Variants in ACAT1 observed in about 807,000 individuals in gnomAD.
ACAT1 encodes acetyl-CoA acetyltransferase 1.
A neutral mutation model predicts 47.3 loss-of-function variants in ACAT1; 28 were observed. The observed-to-expected ratio is 0.59, with a 90% confidence interval of 0.44 to 0.81. The LOEUF is 0.81. ACAT1 is among the 30% of genes least tolerant of loss of function. The pLI, the probability that ACAT1 is intolerant of heterozygous loss-of-function variation, is 0.00. For synonymous variants in ACAT1, 181 were observed against 173.6 expected, an observed-to-expected ratio of 1.04 and a Z score of -0.34; for missense variants, 469 against 524.3, an observed-to-expected ratio of 0.89 and a Z score of 1.03.
Position 108,147,281 on chromosome 11 carries a change from C to T in ACAT1, c.1175C>T (p.Ala392Val). The T allele has an allele frequency of 6.2e-7, 1 of 1,613,758 alleles. No homozygotes were observed. The highest frequency in any genetic ancestry group is 8.5e-7 in the Non-Finnish European group (1 of 1,179,826). The change falls in exon 12 of 12, where the codon GCC becomes GTC. Residue 392 changes from alanine (A) to valine (V), a missense_variant. Ala to Val is a moderately conservative substitution (Grantham distance 64). Transcript: ENST00000265838. ...SLGHPIGMSG[A>V]RIVGHLTHAL... Reference sequence around the variant, plus strand: ...TTTCTTAATTTTAGGATGTCTGGAGCCAGGATTGTTGGTCATTTGACTCAT... The same window carrying T: ...TTTCTTAATTTTAGGATGTCTGGAGTCAGGATTGTTGGTCATTTGACTCAT...
At chr11:108,138,187 C>G (rs2077504726) in intron 5 of ACAT1, among the ~76,000 whole-genome samples, 1 of 151,276 alleles carries the variant, frequency 6.6e-6, no homozygotes, top group Admixed American at 6.6e-5. Context: ...TGGGGTTTCA[C>G]TGTTAGCCAG....
chr11:108,138,745 G>T (rs2077521432), intron 5 of ACAT1, 153 bp from the exon 6 acceptor site: 2 of 873,098 alleles, frequency 2.3e-6, no homozygotes, highest in South Asian at 2.8e-5. Context: ...TCATCAGGGT[G>T]AAGTGGTAAA....
intron 1 of ACAT1, chr11:108,128,111 T>A (rs2077286643): frequency 6.6e-6 from 1 of 152,272 alleles, no homozygotes; most frequent in African/African-American, 2.4e-5. Context: ...GTTAAAAGGT[T>A]AAGTGAGACA....
chr11:108,130,999 C>A (rs2077347109), intron 1 of ACAT1, among the ~76,000 whole-genome samples: 1 of 152,156 alleles, frequency 6.6e-6, no homozygotes, highest in African/African-American at 2.4e-5. Flanking sequence ...GTGATATGCC[C>A]ACCGCAGCCT....
chr11:108,128,365 C>T (rs770328130), intron 1 of ACAT1, among the ~76,000 whole-genome samples: 6 of 152,070 alleles, frequency 3.9e-5, no homozygotes, highest in Admixed American at 3.9e-4. Flanking sequence ...CCGAGGCAGG[C>T]GGATCACCTG....
rs948030856 is a variant in ACAT1 at position 108,141,398 on chromosome 11, G to A, written c.731-207G>A. ...AAAAAAAAAAAAAAAAAAAAAAATT[G>A]TGAAGCTACTTTGTAAGTTTCTCTT... On this transcript the variant is annotated intron_variant, in intron 7 of 11. Coordinates refer to ENST00000265838, the MANE Select transcript of ACAT1 (RefSeq NM_000019.4). 3.9e-5 allele frequency among the ~76,000 whole-genome samples: 4 copies of A among 102,442 alleles called. No homozygotes were observed. In the South Asian group the frequency reaches 9.4e-4, roughly 24 times the overall value. The allele number at this position is 102,442 out of a possible 152,430, so 67.2% of individuals were successfully genotyped here.
intron 1 of ACAT1, among the ~76,000 whole-genome samples, chr11:108,130,060 G>C (rs545337306): frequency 6.6e-6 from 1 of 152,270 alleles, no homozygotes; most frequent in South Asian, 2.1e-4. Flanking sequence ...CTGTCTCTGA[G>C]TATATATGTT....
upstream of ACAT1, among the ~76,000 whole-genome samples, chr11:108,117,046 AATAG>A (rs1020248603): frequency 7.9e-5 from 12 of 152,106 alleles, no homozygotes; most frequent in Non-Finnish European, 1.6e-4. Context: ...TGCCTTTATT[AATAG>A]ATTGGGGTGA....
chr11:108,144,427 C>G (rs912693462), intron 10 of ACAT1, among the ~76,000 whole-genome samples: 2 of 152,110 alleles, frequency 1.3e-5, no homozygotes, highest in Non-Finnish European at 2.9e-5. Flanking sequence ...TGAAAGGGAA[C>G]AGCTGGCAGC....
At chr11:108,133,720 C>A in intron 2 of ACAT1, 100 bp from the exon 3 acceptor site, 1 of 938,598 alleles carries the variant, frequency 1.1e-6, no homozygotes, top group Non-Finnish European at 1.7e-6. Flanking sequence ...TTTGATGACT[C>A]ATTCATAGAA....
chr11:108,141,658 A>C lies in ACAT1; in HGVS notation c.784A>C (p.Ser262Arg), dbSNP rs563370385. The change falls in exon 8 of 12, where the codon AGC becomes CGC. Residue 262 changes from serine to arginine, a missense_variant. Coordinates refer to ENST00000265838, the MANE Select transcript of ACAT1 (RefSeq NM_000019.4). ...TGAAGAATATAAACGTGTTGATTTT[A>C]GCAAAGTTCCAAAGCTGAAGACAGT... ...EDEEYKRVDFSKVPKLKTVFQ... is the reference protein window; with the variant it reads ...EDEEYKRVDFRKVPKLKTVFQ... The C allele has an allele frequency of 1.4e-5, 23 of 1,613,762 alleles. No individual in the cohort carries two copies. In the South Asian group the frequency reaches 2.2e-4, roughly 15 times the overall value.
At position 108,131,974 on chromosome 11, in the gene ACAT1, C is replaced by G. The variant is rs200633012; in HGVS notation, c.120+20C>G. The G allele has an allele frequency of 3.4e-6, 5 of 1,480,400 alleles. No individual in the cohort carries two copies. In the South Asian group the frequency reaches 5.8e-5, roughly 17 times the overall value. 91.7% of individuals were successfully genotyped at this position (1,480,400 alleles called of 1,614,324 possible). A position where few individuals can be genotyped will look rare whatever the true frequency, so the allele number is the denominator to read the frequency against. Reference sequence around the variant, plus strand: ...TTGAAGGTAAGTAATTTAAATTGTGCTTTAAAATTTCCAGAATTTAAAGGA... The same window carrying G: ...TTGAAGGTAAGTAATTTAAATTGTGGTTTAAAATTTCCAGAATTTAAAGGA... On this transcript the variant is annotated intron_variant, in intron 2 of 11. Transcript: ENST00000265838.
chr11:108,133,471 CAA>C (rs2077401657), intron 2 of ACAT1, among the ~76,000 whole-genome samples: 1 of 152,082 alleles, frequency 6.6e-6, no homozygotes, highest in African/African-American at 2.4e-5. Flanking sequence ...GGCAGCTGAG[CAA>C]GACCCTGTCT....
chr11:108,135,040 T>A (rs546612602), intron 4 of ACAT1, 102 bp from the exon 5 acceptor site: 174 of 766,748 alleles, frequency 2.3e-4, no homozygotes, highest in Middle Eastern at 1.1e-3. Context: ...TTTGTAGTTA[T>A]ATTGGCAGAA....
At chr11:108,118,476 G>A (rs955254581), upstream of ACAT1, among the ~76,000 whole-genome samples, 7 of 151,924 alleles carry the variant, frequency 4.6e-5, no homozygotes, top group East Asian at 7.7e-4. Flanking sequence ...CTGGGTTCAC[G>A]CCACTGTCCT....
rs1358614508 is a variant in ACAT1 at position 108,131,425 on chromosome 11, C to T, written c.73-482C>T. Reference sequence around the variant, plus strand: ...GGAGTGTAGTCCCAGAATCTTGGCTCACTGCAACCTCCGCCTCCTGGGTTC... The same window carrying T: ...GGAGTGTAGTCCCAGAATCTTGGCTTACTGCAACCTCCGCCTCCTGGGTTC... On this transcript the variant is annotated intron_variant, in intron 1 of 11. Coordinates refer to ENST00000265838, the MANE Select transcript of ACAT1 (RefSeq NM_000019.4). Among the ~76,000 whole-genome samples, 4 of 125,398 alleles carry T rather than the reference C, an allele frequency of 3.2e-5. No homozygotes were observed. The South Asian group carries it at 8.3e-4, about 26-fold the overall frequency. 82.3% of individuals were successfully genotyped at this position (125,398 alleles called of 152,430 possible). A position where few individuals can be genotyped will look rare whatever the true frequency, so the allele number is the denominator to read the frequency against.
intron 1 of ACAT1, 68 bp downstream of exon 1, chr11:108,121,746 A>AGCCCGCGGCCGTTGCGGC: frequency 6.6e-7 from 1 of 1,515,640 alleles, no homozygotes; most frequent in Non-Finnish European, 8.9e-7. Flanking sequence ...GGAAGCTTCC[A>AGCCCGCGGCCGTTGCGGC]GCCCGCGGCC....
At position 108,135,182 on chromosome 11, in the gene ACAT1, TTG is replaced by T. The variant is rs2135341631; in HGVS notation, c.378_379del (p.Ala127PhefsTer49). On this transcript the variant is annotated frameshift_variant, in exon 5 of 12. Coordinates refer to ENST00000265838, the MANE Select transcript of ACAT1 (RefSeq NM_000019.4). LOFTEE classifies it high-confidence loss of function. ...STPCTTINKVCASGMKAIMMA... is the reference protein window; with the variant it reads ...STPCTTINKVXASGMKAIMMA... The stretch of plus-strand genomic sequence containing the variant: ...CTCCATGTACCACCATAAACAAAGT[TTG>T]TGCTTCAGGAATGAAAGCCATCATG... 6.2e-7 allele frequency: 1 copy of T among 1,613,984 alleles called. No individual in the cohort carries two copies. Among genetic ancestry groups the T allele is most frequent in the Non-Finnish European group, 8.5e-7 (1 of 1,179,922 alleles).
intron 3 of ACAT1, 21 bp from the exon 4 acceptor site, chr11:108,134,196 TTGAC>T: frequency 6.3e-7 from 1 of 1,585,542 alleles, no homozygotes; most frequent in South Asian, 1.1e-5. Context: ...AAATGCCTTT[TTGAC>T]TTTTTTTTTT....
Sources: allele counts gnomAD v4.1 joint callset (sites outside exome capture counted in the v4.1 genomes callset), GRCh38; gene constraint gnomAD v4.1.1; transcripts MANE v1.5; gene names NCBI Gene and HGNC (gene_info 2026-07-23, HGNC 2026-07-21).